Variants in ATP10D observed in about 807,000 individuals in gnomAD.
The protein encoded by ATP10D is phospholipid-transporting ATPase VD.
ATP10D carries 89 observed loss-of-function variants against 144.8 expected under a neutral mutation model. That is an observed-to-expected ratio of 0.61 (90% CI 0.52 to 0.73). The LOEUF (loss-of-function observed/expected upper bound fraction) is 0.73, where lower values mean the gene tolerates loss of function less well. ATP10D is among the 30% of genes least tolerant of loss of function. The pLI is 0.00. For synonymous variants in ATP10D, 571 were observed against 615.1 expected, an observed-to-expected ratio of 0.93 and a Z score of 1.06; for missense variants, 1,603 against 1,714.8, an observed-to-expected ratio of 0.93 and a Z score of 1.15.
intron 9 of ATP10D, among the ~76,000 whole-genome samples, chr4:47,542,629 C>T (rs1462074303): frequency 2.6e-5 from 4 of 151,946 alleles, no homozygotes; most frequent in African/African-American, 9.7e-5. Context: ...AGGTGCCCGC[C>T]ACCACACCCA....
intron 1 of ATP10D, among the ~76,000 whole-genome samples, chr4:47,503,164 T>G (rs961828885): frequency 2.6e-5 from 4 of 152,182 alleles, no homozygotes; most frequent in Non-Finnish European, 4.4e-5. Context: ...ACCGGACCAC[T>G]GCACTCCAGC....
chr4:47,542,394 G>A (rs955930111), intron 9 of ATP10D, among the ~76,000 whole-genome samples: 13 of 151,944 alleles, frequency 8.6e-5, no homozygotes, highest in African/African-American at 2.9e-4. Context: ...ACCACACCTG[G>A]CTTCACACCT....
intron 13 of ATP10D, among the ~76,000 whole-genome samples, chr4:47,560,517 CA>C (rs1007699335): frequency 2.6e-5 from 4 of 151,950 alleles, no homozygotes; most frequent in East Asian, 1.9e-4. Flanking sequence ...AACAAACAAA[CA>C]AAAAAAACAT....
At chr4:47,573,191 C>A (rs1329258540) in intron 18 of ATP10D, among the ~76,000 whole-genome samples, 194 bp downstream of exon 18, 1 of 152,184 alleles carries the variant, frequency 6.6e-6, no homozygotes, top group Admixed American at 6.5e-5. Context: ...CAGCAAATTG[C>A]CAGGCTTGTC....
chr4:47,574,513 C>A (rs11934428), intron 18 of ATP10D, among the ~76,000 whole-genome samples: 19,677 of 152,098 alleles, frequency 0.13, 1,607 homozygotes, highest in Non-Finnish European at 0.19. Context: ...GGATTCATTC[C>A]CCCAGAATAG....
At chr4:47,488,554 G>C (rs908184706) in intron 1 of ATP10D, among the ~76,000 whole-genome samples, 8 of 121,198 alleles carry the variant, frequency 6.6e-5, no homozygotes, top group African/African-American at 2.2e-4. Context: ...TAAAGCAACT[G>C]TTATTTTTAT....
At chr4:47,585,213 A>C (rs1045656699) in intron 21 of ATP10D, among the ~76,000 whole-genome samples, 4 of 151,908 alleles carry the variant, frequency 2.6e-5, no homozygotes, top group Non-Finnish European at 5.9e-5. Context: ...CAAACCCTAG[A>C]CTCAGCTCTT....
intron 22 of ATP10D, among the ~76,000 whole-genome samples, chr4:47,588,454 A>G (rs761885608): frequency 2.0e-5 from 3 of 152,218 alleles, no homozygotes; most frequent in Non-Finnish European, 4.4e-5. Flanking sequence ...TTGTTAGAAT[A>G]TAGCCATACT....
chr4:47,565,177 G>A lies in ATP10D; in HGVS notation c.2853+1412G>A, dbSNP rs112949358. ...GGGTTTCACCGTGTTAGCCAGGATGGTCTCGACCTCCTGACCTCGTGATCC... is the reference window on the plus strand; with the variant it reads ...GGGTTTCACCGTGTTAGCCAGGATGATCTCGACCTCCTGACCTCGTGATCC... On this transcript the variant is annotated intron_variant, in intron 15 of 22. Coordinates refer to ENST00000273859, the MANE Select transcript of ATP10D (RefSeq NM_020453.4). Among the ~76,000 whole-genome samples the A allele has an allele frequency of 6.6e-5, 10 of 152,162 alleles. 2 individuals are homozygous for A. The highest frequency in any genetic ancestry group is 2.2e-4 in the African/African-American group (9 of 41,526).
At chr4:47,588,091 A>C (rs1720871832) in intron 22 of ATP10D, among the ~76,000 whole-genome samples, 1 of 152,200 alleles carries the variant, frequency 6.6e-6, no homozygotes, top group South Asian at 2.1e-4. Context: ...AGGGACAAGT[A>C]GCAGTCTCTA....
chr4:47,529,523 A>G (rs892048540), intron 5 of ATP10D, among the ~76,000 whole-genome samples: 3 of 152,162 alleles, frequency 2.0e-5, no homozygotes, highest in Non-Finnish European at 4.4e-5. Flanking sequence ...TAGCAGTACC[A>G]TGCTGTTTTG....
intron 5 of ATP10D, among the ~76,000 whole-genome samples, chr4:47,528,790 C>A (rs1717409305): frequency 6.6e-6 from 1 of 152,030 alleles, no homozygotes; most frequent in Non-Finnish European, 1.5e-5. Context: ...ATAAGCATTC[C>A]TTTTTCTCTG....
In ATP10D at chr4:47,491,253, C is replaced by T. The variant is rs535926984; in HGVS notation, c.-38+5734C>T. ...CTTGTTTACAACAATGCCAACAGCA[C>T]GCTGGGGAACTTTGTAGACTCTTCC... On this transcript the variant is annotated intron_variant, in intron 1 of 22. Transcript: ENST00000273859. The T allele has an allele frequency of 2.3e-4, 190 of 812,122 alleles. 3 individuals are homozygous for T. The highest frequency in any genetic ancestry group is 2.2e-3 in the South Asian group (165 of 74,986). The allele number at this position is 812,122 out of a possible 1,614,324, so 50.3% of individuals were successfully genotyped here.
In ATP10D at chr4:47,563,582, T is replaced by G; in HGVS notation, c.2670T>G (p.Gly890=). 6.2e-7 allele frequency: 1 copy of G among 1,602,890 alleles called. No individual in the cohort carries two copies. Among genetic ancestry groups the G allele is most frequent in the Non-Finnish European group, 8.5e-7 (1 of 1,176,348 alleles). Residue 890 remains glycine, a splice_region_variant and synonymous_variant, in exon 15 of 23, where the codon GGT becomes GGG. Transcript: ENST00000273859. ...MRLENKLTLL[G]ATGIEDRLQE... ...TATTGCACTTTGGTTATTTTTTAGG[T>G]GCTACTGGCATTGAAGACCGTCTGC...
At chr4:47,567,311 T>G (rs1282443696) in intron 15 of ATP10D, among the ~76,000 whole-genome samples, 1 of 152,140 alleles carries the variant, frequency 6.6e-6, no homozygotes, top group Non-Finnish European at 1.5e-5. Flanking sequence ...ATTTTTATAA[T>G]GAAAAAAATA....
chr4:47,546,962 C>A, intron 10 of ATP10D, 100 bp downstream of exon 10: 8 of 1,148,004 alleles, frequency 7.0e-6, no homozygotes, highest in South Asian at 1.4e-5. Flanking sequence ...GTCTTTTCTA[C>A]CTTAGAAGAG....
At chr4:47,527,171 T>G (rs916160214) in intron 5 of ATP10D, among the ~76,000 whole-genome samples, 3 of 152,094 alleles carry the variant, frequency 2.0e-5, no homozygotes, top group African/African-American at 7.2e-5. Flanking sequence ...GACAACTGGT[T>G]TTTAACAAAG....
intron 1 of ATP10D, among the ~76,000 whole-genome samples, chr4:47,490,816 C>T (rs1171756279): frequency 6.6e-6 from 1 of 152,132 alleles, no homozygotes; most frequent in African/African-American, 2.4e-5. Context: ...TGATCCTACT[C>T]CTTGTTAGGT....
At chr4:47,521,030 C>G (rs189480807) in intron 3 of ATP10D, among the ~76,000 whole-genome samples, 4 of 152,308 alleles carry the variant, frequency 2.6e-5, no homozygotes, top group Non-Finnish European at 4.4e-5. Flanking sequence ...CTGTGGCTTT[C>G]AACTATTGTG....
Sources: gnomAD v4.1 joint callset for allele counts (sites outside exome capture counted in the v4.1 genomes callset) on GRCh38, gnomAD v4.1.1 for gene constraint, MANE v1.5 for transcripts, NCBI Gene and HGNC (gene_info 2026-07-23, HGNC 2026-07-21) for gene names.